SCEL: variants seen among roughly 807,000 people sequenced by gnomAD.
SCEL encodes sciellin.
In SCEL, 113 loss-of-function variants were observed where a neutral mutation model predicts 117.6. The ratio of observed to expected loss-of-function variants is 0.96; its 90% confidence interval spans 0.83 to 1.12. The LOEUF is 1.12. SCEL is among the 50% of genes most tolerant of loss of function. The probability of loss-of-function intolerance (pLI) is 0.00; values close to 1 mark genes in which losing one functional copy is unlikely to be tolerated. For synonymous variants in SCEL, 270 were observed against 256.2 expected (o/e 1.05, Z -0.51); for missense variants, 785 against 810.8 (o/e 0.97, Z 0.39).
intron 9 of SCEL, among the ~76,000 whole-genome samples, chr13:77,586,824 G>T (rs1460284449): frequency 6.6e-6 from 1 of 152,110 alleles, no homozygotes; most frequent in Non-Finnish European, 1.5e-5. Flanking sequence ...CTTATGAGCT[G>T]CATCATCATG....
intron 5 of SCEL, among the ~76,000 whole-genome samples, chr13:77,565,213 C>T (rs1034603075): frequency 1.4e-4 from 22 of 152,194 alleles, no homozygotes; most frequent in Non-Finnish European, 2.2e-4. Context: ...AGGTCATTCT[C>T]AGCCTTAGCT....
Position 77,644,277 on chromosome 13 carries a change from C to G in SCEL, c.*3C>G. On this transcript the variant is annotated 3_prime_UTR_variant, in exon 33 of 33. Coordinates refer to ENST00000349847, the MANE Select transcript of SCEL (RefSeq NM_144777.3). ...TTGCAGCAAAGTGGATTCCATAACT[C>G]TGGCACAAGGAAATCAAGATGAAAA... 1 of 1,612,944 alleles carries G rather than the reference C, an allele frequency of 6.2e-7. No individual in the cohort carries two copies. The highest frequency in any genetic ancestry group is 1.1e-5 in the South Asian group (1 of 90,940).
intron 27 of SCEL, among the ~76,000 whole-genome samples, chr13:77,620,281 G>C (rs1456207043): frequency 1.3e-5 from 2 of 152,124 alleles, no homozygotes; most frequent in East Asian, 3.9e-4. Flanking sequence ...ACCCGTATCT[G>C]TAATCTCTCC....
At chr13:77,557,235 C>A (rs902120548) in intron 3 of SCEL, among the ~76,000 whole-genome samples, 2 of 152,158 alleles carry the variant, frequency 1.3e-5, no homozygotes, top group Non-Finnish European at 2.9e-5. Context: ...GTACTTACAA[C>A]CAACAAAATT....
intron 8 of SCEL, among the ~76,000 whole-genome samples, 191 bp from the exon 9 acceptor site, chr13:77,571,933 G>A (rs2085657255): frequency 6.6e-6 from 1 of 152,088 alleles, no homozygotes; most frequent in Non-Finnish European, 1.5e-5. Context: ...GAGAAAAGAG[G>A]TTTACTTGGA....
chr13:77,578,010 T>C (rs1460527766), intron 9 of SCEL, among the ~76,000 whole-genome samples: 3 of 152,204 alleles, frequency 2.0e-5, no homozygotes, highest in East Asian at 1.9e-4. Flanking sequence ...ACACAACATA[T>C]TCACTTTTTG....
intron 27 of SCEL, 57 bp downstream of exon 27, chr13:77,618,117 C>T: frequency 7.4e-7 from 1 of 1,358,002 alleles, no homozygotes; most frequent in Non-Finnish European, 1.1e-6. Context: ...GGAACTTCTC[C>T]CTCCCTCCTT....
chr13:77,591,502 A>G (rs115680772), intron 11 of SCEL, 42 bp downstream of exon 11: 24 of 1,130,456 alleles, frequency 2.1e-5, no homozygotes, highest in East Asian at 1.4e-4. Context: ...TGTAGTAATG[A>G]TAAAGTATGC....
chr13:77,589,569 A>G (rs191948020), intron 10 of SCEL, among the ~76,000 whole-genome samples: 2 of 152,322 alleles, frequency 1.3e-5, no homozygotes, highest in African/African-American at 4.8e-5. Flanking sequence ...TATAATATAC[A>G]TATAAACCAT....
intron 28 of SCEL, 108 bp downstream of exon 28, chr13:77,628,117 G>A (rs2089844182): frequency 9.4e-6 from 2 of 211,890 alleles, no homozygotes; most frequent in Non-Finnish European, 1.9e-5. Context: ...TATATATTAT[G>A]TAATATATAA....
At chr13:77,542,770 T>A (rs1451437381) in intron 1 of SCEL, among the ~76,000 whole-genome samples, 1 of 152,162 alleles carries the variant, frequency 6.6e-6, no homozygotes, top group African/African-American at 2.4e-5. Flanking sequence ...TAGGTGGTAA[T>A]TAGTTGTTTG....
chr13:77,573,752 C>T (rs555559396), intron 9 of SCEL, among the ~76,000 whole-genome samples: 2 of 152,172 alleles, frequency 1.3e-5, no homozygotes, highest in Non-Finnish European at 2.9e-5. Context: ...AATTACTGAA[C>T]ATGTTGAGCA....
intron 28 of SCEL, among the ~76,000 whole-genome samples, chr13:77,630,228 T>C (rs1208589950): frequency 6.6e-6 from 1 of 152,148 alleles, no homozygotes; most frequent in Non-Finnish European, 1.5e-5. Flanking sequence ...TTTGGGGTAC[T>C]TTTTCTGAGA....
At chr13:77,567,558 A>G (rs544411249) in intron 5 of SCEL, 122 bp from the exon 6 acceptor site, 1 of 681,640 alleles carries the variant, frequency 1.5e-6, no homozygotes, top group East Asian at 2.9e-5. Flanking sequence ...GTAACACTTG[A>G]AAAATAGTTC....
intron 28 of SCEL, among the ~76,000 whole-genome samples, chr13:77,633,797 T>C (rs926577814): frequency 6.6e-6 from 1 of 152,238 alleles, no homozygotes; most frequent in African/African-American, 2.4e-5. Context: ...TAATTTTATG[T>C]GGGGTTACCT....
intron 32 of SCEL, 149 bp downstream of exon 32, chr13:77,642,957 A>G (rs2090630467): frequency 2.1e-6 from 1 of 477,656 alleles, no homozygotes; most frequent in South Asian, 4.3e-5. Context: ...CTATGGTAGT[A>G]TTTTGTTTAA....
At chr13:77,536,422 G>T (rs1337761812) in intron 1 of SCEL, among the ~76,000 whole-genome samples, 3 of 152,004 alleles carry the variant, frequency 2.0e-5, no homozygotes, top group Non-Finnish European at 2.9e-5. Context: ...GTAAAGGCAG[G>T]GTGTGGGAGC....
intron 1 of SCEL, among the ~76,000 whole-genome samples, chr13:77,538,949 A>G (rs565045977): frequency 1.3e-5 from 2 of 152,346 alleles, no homozygotes; most frequent in East Asian, 3.9e-4. Flanking sequence ...TAAGCATGGC[A>G]CATGTCTGTA....
chr13:77,564,609 G>A (rs1404969524), intron 5 of SCEL, among the ~76,000 whole-genome samples: 1 of 152,118 alleles, frequency 6.6e-6, no homozygotes, highest in Non-Finnish European at 1.5e-5. Context: ...TTTAATAGGA[G>A]TCTTTTGGAC....
Sources: allele counts gnomAD v4.1 joint callset (sites outside exome capture counted in the v4.1 genomes callset), GRCh38; gene constraint gnomAD v4.1.1; transcripts MANE v1.5; gene names NCBI Gene and HGNC (gene_info 2026-07-23, HGNC 2026-07-21).